Variants in TLE1 observed in about 807,000 individuals in gnomAD.
The protein encoded by TLE1 is TLE family member 1, transcriptional corepressor, also known as transducin-like enhancer protein 1.
TLE1 carries 21 observed loss-of-function variants against 89.8 expected under a neutral mutation model. The ratio of observed to expected loss-of-function variants is 0.23; its 90% CI spans 0.17 to 0.34. TLE1 has a LOEUF of 0.34. Among genes scored for constraint, TLE1 ranks in the 10% least tolerant of loss-of-function variants. The probability of loss-of-function intolerance (pLI) is 1.00; values close to 1 mark genes in which losing one functional copy is unlikely to be tolerated. For synonymous variants in TLE1, 447 were observed against 407.6 expected (o/e 1.10, Z -1.16); for missense variants, 795 against 1,031.2 (o/e 0.77, Z 3.14).
chr9:81,648,801 T>C (rs1292593475), intron 6 of TLE1, among the ~76,000 whole-genome samples: 1 of 151,844 alleles, frequency 6.6e-6, no homozygotes, highest in Non-Finnish European at 1.5e-5. Flanking sequence ...TCATTCTTAA[T>C]AGAAATTTTA....
At chr9:81,673,124 T>C (rs1832434565) in intron 4 of TLE1, among the ~76,000 whole-genome samples, 1 of 151,374 alleles carries the variant, frequency 6.6e-6, no homozygotes, top group South Asian at 2.1e-4. Flanking sequence ...AATACAAAAA[T>C]CAGCTGGGCA....
chr9:81,621,186 C>T (rs1376031487), intron 8 of TLE1, among the ~76,000 whole-genome samples: 1 of 152,134 alleles, frequency 6.6e-6, no homozygotes, highest in Non-Finnish European at 1.5e-5. Flanking sequence ...AGGCCAGCTC[C>T]CACACACAAA....
intron 4 of TLE1, among the ~76,000 whole-genome samples, chr9:81,681,371 T>A (rs971405998): frequency 6.6e-6 from 1 of 151,898 alleles, no homozygotes; most frequent in Non-Finnish European, 1.5e-5. Flanking sequence ...GCCAATATAG[T>A]GAAACCCCAT....
chr9:81,602,923 G>A (rs971338897), intron 14 of TLE1, among the ~76,000 whole-genome samples: 34 of 152,264 alleles, frequency 2.2e-4, no homozygotes, highest in Middle Eastern at 3.4e-3. Flanking sequence ...CTTTAACAAA[G>A]AGAAGAAGTT....
At chr9:81,592,150 A>T (rs1315707023) in intron 15 of TLE1, among the ~76,000 whole-genome samples, 2 of 152,186 alleles carry the variant, frequency 1.3e-5, no homozygotes, top group Non-Finnish European at 2.9e-5. Flanking sequence ...CAAGGTCAGG[A>T]GATCGAGACC....
intron 13 of TLE1, among the ~76,000 whole-genome samples, chr9:81,610,849 T>C (rs2132050859): frequency 6.6e-6 from 1 of 150,790 alleles, no homozygotes; most frequent in East Asian, 2.0e-4. Flanking sequence ...TCTAATTTAA[T>C]GCTTAAGGAT....
chr9:81,606,742 T>C (rs1429888679), intron 14 of TLE1, among the ~76,000 whole-genome samples: 7 of 151,716 alleles, frequency 4.6e-5, no homozygotes, highest in South Asian at 4.2e-4. Context: ...AACCTGAACA[T>C]TGTACACATG....
chr9:81,662,432 C>T (rs61311042), intron 4 of TLE1, among the ~76,000 whole-genome samples: 2,892 of 150,184 alleles, frequency 0.019, 108 homozygotes, highest in African/African-American at 0.067. Flanking sequence ...CTGTGGCTCA[C>T]GCCTGTAATC....
At chr9:81,631,567 G>A (rs984391267) in intron 8 of TLE1, among the ~76,000 whole-genome samples, 3 of 152,128 alleles carry the variant, frequency 2.0e-5, no homozygotes, top group East Asian at 1.9e-4. Context: ...TACATACCTC[G>A]AATTGCAGAT....
Position 81,590,955 on chromosome 9 carries a change from G to A in TLE1, c.1679C>T (p.Ala560Val), listed in dbSNP as rs759110088. The change falls in exon 16 of 20, where the codon GCG becomes GTG. Residue 560 changes from alanine to valine, a missense_variant. Ala to Val is a moderately conservative substitution (Grantham distance 64, BLOSUM62 0). Coordinates refer to ENST00000376499, the MANE Select transcript of TLE1 (RefSeq NM_005077.5). ...EASTLSIWDLAAPTPRIKAEL... is the reference protein window; with the variant it reads ...EASTLSIWDLVAPTPRIKAEL... ...CGCCTTGATGCGCGGGGTTGGAGCC[G>A]CCAGGTCCCAAATGGACAAAGTACT... The A allele has an allele frequency of 1.1e-5, 18 of 1,614,132 alleles. No individual in the cohort carries two copies. Among genetic ancestry groups the A allele is most frequent in the Middle Eastern group, 1.6e-4 (1 of 6,084 alleles).
intron 7 of TLE1, 142 bp from the exon 8 acceptor site, chr9:81,633,506 C>T (rs1382597141): frequency 1.2e-5 from 13 of 1,092,624 alleles, no homozygotes; most frequent in Non-Finnish European, 1.6e-5. Context: ...TAAGTCATTG[C>T]ACATTCCTAA....
intron 12 of TLE1, among the ~76,000 whole-genome samples, chr9:81,612,935 G>A (rs944930068): frequency 1.3e-5 from 2 of 152,206 alleles, no homozygotes; most frequent in African/African-American, 2.4e-5. Flanking sequence ...GCAGGCGCCT[G>A]TAATCCCAGC....
At chr9:81,652,442 T>C (rs1468262394) in intron 5 of TLE1, among the ~76,000 whole-genome samples, 154 bp from the exon 6 acceptor site, 2 of 152,096 alleles carry the variant, frequency 1.3e-5, no homozygotes, top group Admixed American at 6.6e-5. Context: ...TCACAGAACA[T>C]AGATAGGGAA....
At chr9:81,612,909 T>C (rs1823900329) in intron 12 of TLE1, among the ~76,000 whole-genome samples, 1 of 152,074 alleles carries the variant, frequency 6.6e-6, no homozygotes, top group Admixed American at 6.6e-5. Flanking sequence ...AATACAAAAA[T>C]TAGCCAGGCG....
At chr9:81,621,328 T>C (rs1467760080) in intron 8 of TLE1, among the ~76,000 whole-genome samples, 2 of 152,180 alleles carry the variant, frequency 1.3e-5, no homozygotes, top group Admixed American at 6.5e-5. Flanking sequence ...TGATCTGACA[T>C]CTCTTCAATT....
intron 8 of TLE1, among the ~76,000 whole-genome samples, chr9:81,631,975 G>GCA: frequency 6.6e-6 from 1 of 152,120 alleles, no homozygotes; most frequent in East Asian, 1.9e-4. Context: ...GGTGGCACAG[G>GCA]CCTGTAATCC....
At chr9:81,658,264 G>C (rs538754840) in intron 4 of TLE1, among the ~76,000 whole-genome samples, 1 of 152,148 alleles carries the variant, frequency 6.6e-6, no homozygotes, top group South Asian at 2.1e-4. Flanking sequence ...ATGGTTAGCT[G>C]AATTCACAGA....
At chr9:81,669,898 G>A (rs773824092) in intron 4 of TLE1, among the ~76,000 whole-genome samples, 1 of 152,152 alleles carries the variant, frequency 6.6e-6, no homozygotes, top group Admixed American at 6.6e-5. Flanking sequence ...CCACATATAA[G>A]TTTAGGCCCC....
intron 8 of TLE1, among the ~76,000 whole-genome samples, chr9:81,624,368 C>T (rs1825662732): frequency 6.6e-6 from 1 of 152,142 alleles, no homozygotes; most frequent in South Asian, 2.1e-4. Context: ...AGCAGAGTGA[C>T]AAAGCAGCCC....
Sources: gnomAD v4.1 joint callset for allele counts (sites outside exome capture counted in the v4.1 genomes callset) on GRCh38, gnomAD v4.1.1 for gene constraint, MANE v1.5 for transcripts, NCBI Gene and HGNC (gene_info 2026-07-23, HGNC 2026-07-21) for gene names.